Variants in MSRA observed in about 807,000 individuals in gnomAD.
MSRA encodes methionine sulfoxide reductase A.
Under a neutral mutation model 31.3 loss-of-function variants are expected in MSRA, and 54 were observed. The observed-to-expected ratio is 1.73, with a 90% confidence interval of 1.39 to 2.17. MSRA has a LOEUF of 2.17. Among genes scored for constraint, MSRA ranks in the 30% most tolerant of loss-of-function variants. MSRA has a pLI of 0.00. For missense variants in MSRA, 507 were observed against 300.9 expected, an observed-to-expected ratio of 1.69 and a Z score of -5.07; for synonymous variants, 169 against 116.5, an observed-to-expected ratio of 1.45 and a Z score of -2.90.
At chr8:10,427,596 G>A (rs763431579) in intron 5 of MSRA, among the ~76,000 whole-genome samples, 17 of 152,144 alleles carry the variant, frequency 1.1e-4, no homozygotes, top group Non-Finnish European at 2.4e-4. Flanking sequence ...GCGAGTGAGG[G>A]GACACTCTGT....
At chr8:10,423,781 C>T (rs1167339433) in intron 5 of MSRA, among the ~76,000 whole-genome samples, 1 of 152,232 alleles carries the variant, frequency 6.6e-6, no homozygotes, top group Non-Finnish European at 1.5e-5. Context: ...TCGTCCCCTT[C>T]TCCCTCCCAC....
intron 5 of MSRA, among the ~76,000 whole-genome samples, chr8:10,394,845 G>T (rs1397514328): frequency 6.6e-6 from 1 of 152,232 alleles, no homozygotes; most frequent in Admixed American, 6.5e-5. Context: ...GTCTGCCTTG[G>T]ATTCAGATTT....
In MSRA at chr8:10,183,471, C is replaced by G. The variant is rs980763839; in HGVS notation, c.143-24362C>G. 2.6e-5 allele frequency among the ~76,000 whole-genome samples: 4 copies of G among 152,166 alleles called. No individual in the cohort carries two copies. The South Asian group carries it at 8.3e-4, about 32-fold the overall frequency. On this transcript the variant is annotated intron_variant, in intron 1 of 5. Coordinates refer to ENST00000317173, the MANE Select transcript of MSRA (RefSeq NM_012331.5). ...GAATCCTACAACTAGGAGGTCATAACAGTGCTTGGAAGGCCATTGAAGCTA... is the reference window on the plus strand; with the variant it reads ...GAATCCTACAACTAGGAGGTCATAAGAGTGCTTGGAAGGCCATTGAAGCTA...
intron 5 of MSRA, among the ~76,000 whole-genome samples, chr8:10,393,934 A>G (rs776311706): frequency 6.6e-6 from 1 of 152,108 alleles, no homozygotes; most frequent in Non-Finnish European, 1.5e-5. Flanking sequence ...CAGGCACGGG[A>G]TATTTGGTGA....
chr8:10,108,201 T>C (rs1800024653), intron 1 of MSRA, among the ~76,000 whole-genome samples: 1 of 152,266 alleles, frequency 6.6e-6, no homozygotes, highest in African/African-American at 2.4e-5. Flanking sequence ...ACGTTTGTTC[T>C]TAAGTCTCTG....
chr8:10,175,303 C>T (rs1460777933), intron 1 of MSRA, among the ~76,000 whole-genome samples: 1 of 152,178 alleles, frequency 6.6e-6, no homozygotes, highest in East Asian at 1.9e-4. Flanking sequence ...TAGCATGTAA[C>T]CGTATATGCT....
intron 1 of MSRA, among the ~76,000 whole-genome samples, chr8:10,059,292 T>A (rs1802570988): frequency 6.6e-6 from 1 of 152,212 alleles, no homozygotes. Flanking sequence ...TGCCAGGCAC[T>A]GTAGTAATTT....
At chr8:10,280,267 C>T (rs781223747) in intron 3 of MSRA, among the ~76,000 whole-genome samples, 1 of 151,940 alleles carries the variant, frequency 6.6e-6, no homozygotes, top group Non-Finnish European at 1.5e-5. Flanking sequence ...ACTTTTGCCC[C>T]CCTCTTTTAG....
At chr8:10,396,392 G>A (rs1194522174) in intron 5 of MSRA, among the ~76,000 whole-genome samples, 1 of 152,134 alleles carries the variant, frequency 6.6e-6, no homozygotes, top group Non-Finnish European at 1.5e-5. Flanking sequence ...GGGGGCTTCG[G>A]TATGATAAAA....
intron 2 of MSRA, among the ~76,000 whole-genome samples, chr8:10,219,568 G>T (rs1296867123): frequency 1.3e-5 from 2 of 152,058 alleles, no homozygotes; most frequent in African/African-American, 4.8e-5. Context: ...CCAGCACTTT[G>T]GGAGGCTGAG....
chr8:10,407,146 G>C (rs1807868992), intron 5 of MSRA, among the ~76,000 whole-genome samples: 1 of 152,208 alleles, frequency 6.6e-6, no homozygotes, highest in South Asian at 2.1e-4. Context: ...TAAAGTGCTG[G>C]GAGTGTAGGC....
intron 5 of MSRA, among the ~76,000 whole-genome samples, chr8:10,425,440 GGGA>G (rs1212184558): frequency 3.3e-5 from 5 of 152,220 alleles, no homozygotes; most frequent in South Asian, 2.1e-4. Flanking sequence ...TGGCTGCGAA[GGGA>G]GGAGGAGGAG....
chr8:10,258,280 A>C (rs1306322739), intron 3 of MSRA, among the ~76,000 whole-genome samples: 5 of 152,176 alleles, frequency 3.3e-5, no homozygotes, highest in Non-Finnish European at 7.4e-5. Context: ...AGAAAGTACA[A>C]GTCACTACAA....
chr8:10,317,514 G>C (rs1021098768), intron 4 of MSRA, among the ~76,000 whole-genome samples: 2 of 152,142 alleles, frequency 1.3e-5, no homozygotes, highest in East Asian at 3.9e-4. Flanking sequence ...ATCTTCTTTG[G>C]AGAAAGTGGA....
intron 5 of MSRA, among the ~76,000 whole-genome samples, chr8:10,363,522 G>T (rs1420317403): frequency 6.6e-6 from 1 of 152,128 alleles, no homozygotes; most frequent in Non-Finnish European, 1.5e-5. Flanking sequence ...CTGTCTTGTA[G>T]CATGACGATG....
intron 3 of MSRA, among the ~76,000 whole-genome samples, chr8:10,259,810 TG>T (rs941171981): frequency 3.9e-5 from 6 of 152,208 alleles, no homozygotes; most frequent in African/African-American, 1.4e-4. Flanking sequence ...TTTTGTAGGC[TG>T]GGGCTGCTGC....
chr8:10,276,101 A>G (rs1301894386), intron 3 of MSRA, among the ~76,000 whole-genome samples: 3 of 152,104 alleles, frequency 2.0e-5, no homozygotes, highest in Non-Finnish European at 2.9e-5. Flanking sequence ...AGCGGTCGTT[A>G]CTGTGGGGGA....
intron 4 of MSRA, among the ~76,000 whole-genome samples, chr8:10,302,835 G>A (rs1240477158): frequency 6.6e-5 from 10 of 152,302 alleles, no homozygotes; most frequent in South Asian, 2.1e-4. Context: ...GAGGGATGAG[G>A]TATGGGGCAG....
intron 2 of MSRA, among the ~76,000 whole-genome samples, chr8:10,239,667 G>C (rs940300661): frequency 2.0e-5 from 3 of 152,184 alleles, no homozygotes; most frequent in African/African-American, 7.2e-5. Flanking sequence ...ATGGAGTCTT[G>C]CTATATTCCC....
Sources: allele counts gnomAD v4.1 joint callset (sites outside exome capture counted in the v4.1 genomes callset), GRCh38; gene constraint gnomAD v4.1.1; transcripts MANE v1.5; gene names NCBI Gene and HGNC (gene_info 2026-07-23, HGNC 2026-07-21).